HDAC5: variants seen among roughly 807,000 people sequenced by gnomAD.
HDAC5 encodes the protein antigen NY-CO-9.
In HDAC5, 25 loss-of-function variants were observed where a neutral mutation model predicts 133.3. The ratio of observed to expected loss-of-function variants is 0.19; its 90% CI spans 0.14 to 0.26. HDAC5 has a LOEUF of 0.26. HDAC5 is among the 10% of genes least tolerant of loss of function. HDAC5 has a pLI of 1.00. For synonymous variants in HDAC5, 589 were observed against 610.8 expected (o/e 0.96, Z 0.53); for missense variants, 1,041 against 1,460.5 (o/e 0.71, Z 4.68).
chr17:44,089,515 C>T (rs572899563), intron 11 of HDAC5, among the ~76,000 whole-genome samples: 14 of 152,152 alleles, frequency 9.2e-5, no homozygotes, highest in African/African-American at 3.1e-4. Flanking sequence ...GAGGCCAAGG[C>T]GGGTGGACCA....
Position 44,117,192 on chromosome 17 carries a change from A to G in HDAC5, c.22+302T>C, listed in dbSNP as rs544761552. On this transcript the variant is annotated intron_variant, in intron 2 of 26. Transcript: ENST00000682912. This position sits in a 1 kb window ranked among gnomAD's most constrained non-coding sequence, Gnocchi z 4.2. ...ATTAAGGGATACACACTGCCCCCTC[A>G]GGCCCACCTGTCTTGGCTAGCAGGG... Among the ~76,000 whole-genome samples, 72 of 152,222 alleles carry G rather than the reference A, an allele frequency of 4.7e-4. No homozygotes were observed. Among genetic ancestry groups the G allele is most frequent in the Non-Finnish European group, 8.4e-4 (57 of 68,046 alleles).
rs1223313951 is a variant in HDAC5 at position 44,123,626 on chromosome 17, C to G, written c.-312G>C. ...CGGCTCCTCCGGCTCCGCTCGCCGC[C>G]GCCACCAACAACAACATTCGGAGAC... On this transcript the variant is annotated 5_prime_UTR_variant, in exon 1 of 27. Coordinates refer to ENST00000682912, the MANE Select transcript of HDAC5 (RefSeq NM_005474.5). 2.5e-6 allele frequency: 1 copy of G among 396,624 alleles called. No individual in the cohort carries two copies. Among genetic ancestry groups the G allele is most frequent in the Non-Finnish European group, 4.4e-6 (1 of 224,882 alleles). 24.6% of individuals were successfully genotyped at this position (396,624 alleles called of 1,614,324 possible).
chr17:44,100,748 C>CGTCTCAAAATAAATAAATAAGA (rs1490826810), intron 3 of HDAC5, among the ~76,000 whole-genome samples: 6 of 151,212 alleles, frequency 4.0e-5, no homozygotes, highest in Non-Finnish European at 8.8e-5. Flanking sequence ...GGAGAGACTC[C>CGTCTCAAAATAAATAAATAAGA]GTCTCAAAAT....
At chr17:44,121,982 C>T (rs1003821646) in intron 1 of HDAC5, among the ~76,000 whole-genome samples, 4 of 152,006 alleles carry the variant, frequency 2.6e-5, no homozygotes. Flanking sequence ...GTCAAGAAAG[C>T]CCAGATCCAA....
intron 1 of HDAC5, among the ~76,000 whole-genome samples, chr17:44,118,885 C>T (rs926143519): frequency 1.3e-5 from 2 of 152,198 alleles, no homozygotes; most frequent in Non-Finnish European, 2.9e-5. Flanking sequence ...TCTCAGTAAG[C>T]CTTACATTCT....
chr17:44,088,401 G>C lies in HDAC5; in HGVS notation c.1585C>G (p.Leu529Val). 6.4e-7 allele frequency: 1 copy of C among 1,554,020 alleles called. No individual in the cohort carries two copies. Among genetic ancestry groups the C allele is most frequent in the Non-Finnish European group, 8.7e-7 (1 of 1,149,504 alleles). Residue 529 changes from leucine to valine, a missense_variant, in exon 12 of 27, where the codon CTA becomes GTA. Physicochemically the swap from Leu to Val is conservative, Grantham distance 32. This residue lies in a region of HDAC5 where 433 missense variants were observed against 531.6 expected (regional missense o/e 0.81). Coordinates refer to ENST00000682912, the MANE Select transcript of HDAC5 (RefSeq NM_005474.5). ...TCCAGGCTCACCTTGCCCAGCTGTA[G>C]CTGCTGCTGCTTCTGCTTCTCCAGG... The part of the protein sequence containing the change: ...QFLEKQKQQQ[L>V]QLGKILTKTG...
In HDAC5 at chr17:44,080,820, G is replaced by A; in HGVS notation, c.2670C>T (p.Ile890=). Residue 890 remains isoleucine (I), a synonymous_variant, in exon 21 of 27, where the codon ATC becomes ATT. Transcript: ENST00000682912. ...TCCCGTTGTCATAGCGATGCAGAGA[G>A]ATGTAGAGCACAGAGGGGTCATTGT... is the stretch of plus-strand genomic sequence containing the variant. ...AFYNDPSVLY[I]SLHRYDNGNF... The A allele has an allele frequency of 6.2e-7, 1 of 1,614,224 alleles. No homozygotes were observed. The highest frequency in any genetic ancestry group is 8.5e-7 in the Non-Finnish European group (1 of 1,180,012).
chr17:44,084,706 C>G (rs1349663657), intron 15 of HDAC5, 31 bp from the exon 16 acceptor site: 2 of 1,611,652 alleles, frequency 1.2e-6, no homozygotes, highest in Admixed American at 1.7e-5. Context: ...AGGGGTCACA[C>G]AAAGGCACAG....
intron 20 of HDAC5, chr17:44,081,549 G>A (rs1418857402): frequency 3.3e-5 from 5 of 149,998 alleles, no homozygotes; most frequent in East Asian, 2.0e-4. Context: ...CACTGTACCC[G>A]GCCTTTTTTG....
At chr17:44,111,150 T>C in intron 2 of HDAC5, 1 of 385,470 alleles carries the variant, frequency 2.6e-6, no homozygotes, top group Non-Finnish European at 5.1e-6. Context: ...GAAGGGGAGC[T>C]CAGCGGGCAG....
intron 21 of HDAC5, 60 bp from the exon 22 acceptor site, chr17:44,080,558 C>G: frequency 2.6e-6 from 4 of 1,555,222 alleles, no homozygotes; most frequent in Non-Finnish European, 3.5e-6. Flanking sequence ...AACATTGCCC[C>G]TGCCCTCACC....
intron 3 of HDAC5, among the ~76,000 whole-genome samples, chr17:44,103,617 A>G (rs987620313): frequency 2.6e-5 from 4 of 152,116 alleles, no homozygotes; most frequent in Admixed American, 1.3e-4. Context: ...GGTGCGAGGC[A>G]GGGCTATTAT....
intron 3 of HDAC5, among the ~76,000 whole-genome samples, chr17:44,094,638 A>C (rs937873184): frequency 6.6e-6 from 1 of 152,144 alleles, no homozygotes; most frequent in African/African-American, 2.4e-5. Context: ...CTCCATCTCA[A>C]AAAAATAAAG....
chr17:44,111,399 CAG>C (rs1386625786), intron 2 of HDAC5: 14 of 358,670 alleles, frequency 3.9e-5, no homozygotes, highest in Non-Finnish European at 7.2e-5. Context: ...GGGATGGGAA[CAG>C]GGGAGGGCCT....
rs749175634 is a variant in HDAC5 at position 44,093,620 on chromosome 17, G to A, written c.309C>T (p.Asp103=). 27 of 1,612,470 alleles carry A rather than the reference G, an allele frequency of 1.7e-5. No homozygotes were observed. Among genetic ancestry groups the A allele is most frequent in the Non-Finnish European group, 2.2e-5 (26 of 1,179,612 alleles). The change falls in exon 4 of 27, where the codon GAC becomes GAT. Residue 103 remains aspartate (D), a synonymous_variant. Transcript: ENST00000682912. ...GGACCTCATGCTGCCTTGTCAGGTG[G>A]TCATGCTGTTTCTGGAACTCAGCGA... ...LLFAEFQKQH[D]HLTRQHEVQL...
chr17:44,083,004 A>T (rs2050468502), intron 18 of HDAC5, among the ~76,000 whole-genome samples, 184 bp from the exon 19 acceptor site: 1 of 152,026 alleles, frequency 6.6e-6, no homozygotes, highest in Non-Finnish European at 1.5e-5. Context: ...TTGGAGACAG[A>T]GTCTTGCTTT....
intron 3 of HDAC5, among the ~76,000 whole-genome samples, chr17:44,106,567 C>T (rs1166583065): frequency 1.3e-5 from 2 of 152,012 alleles, no homozygotes; most frequent in Non-Finnish European, 2.9e-5. Flanking sequence ...AAGAGGGCCA[C>T]CTTTTAAAAA....
chr17:44,088,263 T>A, intron 12 of HDAC5, 124 bp downstream of exon 12: 8 of 1,421,326 alleles, frequency 5.6e-6, no homozygotes, highest in Non-Finnish European at 6.5e-6. Flanking sequence ...TCTGCCCACC[T>A]CGGCCTCCCA....
chr17:44,110,607 A>T (rs2052272896), intron 3 of HDAC5, 122 bp downstream of exon 3: 2 of 787,696 alleles, frequency 2.5e-6, no homozygotes, highest in East Asian at 2.7e-5. Context: ...GTGTATTCTC[A>T]ACAAAACTCT....
Sources: gnomAD v4.1 joint callset for allele counts (sites outside exome capture counted in the v4.1 genomes callset) on GRCh38, gnomAD v4.1.1 for gene constraint, gnomAD v4.1.1 regional missense constraint, Gnocchi (gnomAD v3.1) non-coding constraint, MANE v1.5 for transcripts, NCBI Gene and HGNC (gene_info 2026-07-23, HGNC 2026-07-21) for gene names.